The following STEAP2 variants were observed in gnomAD, a reference collection of about 807,000 sequenced individuals.
STEAP2 encodes metalloreductase STEAP2.
STEAP2 carries 30 observed loss-of-function variants against 46.4 expected under a neutral mutation model. The ratio of observed to expected loss-of-function variants is 0.65; its 90% CI spans 0.48 to 0.88. STEAP2 has a LOEUF of 0.88. Ranked by LOEUF, STEAP2 falls within the 40% of genes least tolerant of loss-of-function variation. STEAP2 has a pLI of 0.00. For synonymous variants in STEAP2, 180 were observed against 200.5 expected (o/e 0.90, Z 0.86); for missense variants, 513 against 579.3 (o/e 0.89, Z 1.18).
At chr7:90,222,255 C>G (rs1368340598) in intron 2 of STEAP2, among the ~76,000 whole-genome samples, 1 of 152,084 alleles carries the variant, frequency 6.6e-6, no homozygotes, top group Non-Finnish European at 1.5e-5. Flanking sequence ...GCATGGACCA[C>G]ACCAAGGGAG....
At position 90,233,016 on chromosome 7, in the gene STEAP2, A is replaced by G; in HGVS notation, c.*392A>G. 1.0e-6 allele frequency: 1 copy of G among 966,810 alleles called. No homozygotes were observed. Among genetic ancestry groups the G allele is most frequent in the Non-Finnish European group, 1.2e-6 (1 of 812,834 alleles). 59.9% of individuals were successfully genotyped at this position (966,810 alleles called of 1,614,324 possible). On this transcript the variant is annotated 3_prime_UTR_variant, in exon 6 of 6. Coordinates refer to ENST00000394621, the MANE Select transcript of STEAP2 (RefSeq NM_001244944.2). ...AATGGATATACATTTTTTTCTGAAG[A>G]TTAAGATTTTAATTATTCAACTTAA...
At chr7:90,225,679 T>C in intron 3 of STEAP2, 105 bp downstream of exon 3, 3 of 1,268,442 alleles carry the variant, frequency 2.4e-6, no homozygotes, top group Admixed American at 2.7e-5. Context: ...TTCCAATGAT[T>C]ATCATTTGAA....
At chr7:90,238,977 C>G (rs763817638), downstream of STEAP2, among the ~76,000 whole-genome samples, 2 of 152,154 alleles carry the variant, frequency 1.3e-5, no homozygotes, top group African/African-American at 2.4e-5. Context: ...ATATCAGTGT[C>G]CTGTAGGCGA....
chr7:90,241,685 AACT>A (rs1412521871), downstream of STEAP2, among the ~76,000 whole-genome samples: 1 of 152,136 alleles, frequency 6.6e-6, no homozygotes, highest in Admixed American at 6.5e-5. Flanking sequence ...AGGTTTTGAA[AACT>A]ACTGCTCTAG....
chr7:90,223,648 A>G (rs1446930825), intron 2 of STEAP2, among the ~76,000 whole-genome samples: 1 of 152,194 alleles, frequency 6.6e-6, no homozygotes, highest in African/African-American at 2.4e-5. Flanking sequence ...AAGCACAGCC[A>G]TGTTCTTTAC....
chr7:90,221,105 A>T (rs1390948045), intron 2 of STEAP2, among the ~76,000 whole-genome samples: 3 of 152,164 alleles, frequency 2.0e-5, no homozygotes, highest in Non-Finnish European at 4.4e-5. Flanking sequence ...ACTGTTGTAT[A>T]AAATGTTCTG....
At position 90,234,793 on chromosome 7, in the gene STEAP2, T is replaced by C. The variant is rs1026010956; in HGVS notation, c.*2169T>C. Reference sequence around the variant, plus strand: ...TGGTCTCGATCTCCTGACCTCGTGATCCGCCCGCCTTGGCCTCCAAAGTGC... The same window carrying C: ...TGGTCTCGATCTCCTGACCTCGTGACCCGCCCGCCTTGGCCTCCAAAGTGC... On this transcript the variant is annotated 3_prime_UTR_variant, in exon 6 of 6. Coordinates refer to ENST00000394621, the MANE Select transcript of STEAP2 (RefSeq NM_001244944.2). 1.4e-5 allele frequency: 11 copies of C among 787,652 alleles called. No individual in the cohort carries two copies. Among genetic ancestry groups the C allele is most frequent in the African/African-American group, 1.9e-5 (1 of 53,132 alleles). 48.8% of individuals were successfully genotyped at this position (787,652 alleles called of 1,614,324 possible). A position where few individuals can be genotyped will look rare whatever the true frequency, so the allele number is the denominator to read the frequency against.
rs1256049599 is a variant in STEAP2, at chr7:90,211,863, C to G, written c.-329C>G. On this transcript the variant is annotated 5_prime_UTR_variant, in exon 1 of 6. In the 5' UTR this introduces an upstream ATG that the reference lacks. Coordinates refer to ENST00000394621, the MANE Select transcript of STEAP2 (RefSeq NM_001244944.2). ...TCCTTCTCCCCTGGCTGTTCGCGAT[C>G]CAGCTTGGGTAGGCGGGGAAGCAGC... 1 of 152,422 alleles carries G rather than the reference C, an allele frequency of 6.6e-6. No homozygotes were observed. The highest frequency in any genetic ancestry group is 1.5e-5 in the Non-Finnish European group (1 of 68,204). 9.4% of individuals were successfully genotyped at this position (152,422 alleles called of 1,614,324 possible).
chr7:90,217,413 A>G (rs194511), intron 2 of STEAP2, among the ~76,000 whole-genome samples: 68,461 of 151,816 alleles, frequency 0.45, 16,508 homozygotes, highest in Non-Finnish European at 0.55. Flanking sequence ...CCCTCCTCCC[A>G]TCAACACATC....
At chr7:90,240,128 C>G (rs760051823), downstream of STEAP2, among the ~76,000 whole-genome samples, 9 of 151,970 alleles carry the variant, frequency 5.9e-5, no homozygotes, top group Non-Finnish European at 1.2e-4. This position sits in a 1 kb window ranked among gnomAD's most constrained non-coding sequence, Gnocchi z 4.1. Flanking sequence ...CAAAAATTAG[C>G]CAGACACGGT....
At chr7:90,225,695 A>G (rs1423878846) in intron 3 of STEAP2, 121 bp downstream of exon 3, 1 of 1,137,510 alleles carries the variant, frequency 8.8e-7, no homozygotes, top group Non-Finnish European at 1.2e-6. Context: ...TTGAAAATTA[A>G]TTATGAGCAC....
chr7:90,233,217 T>A lies in STEAP2; in HGVS notation c.*593T>A, dbSNP rs1795831890. 2.1e-6 allele frequency: 2 copies of A among 951,234 alleles called. No individual in the cohort carries two copies. The highest frequency in any genetic ancestry group is 2.5e-6 in the Non-Finnish European group (2 of 799,100). The allele number at this position is 951,234 out of a possible 1,614,324, so 58.9% of individuals were successfully genotyped here. ...AGAGACACAAATTAAAAAGACAAAT[T>A]AAACCTGAAATTATATTTAAAATAT... On this transcript the variant is annotated 3_prime_UTR_variant, in exon 6 of 6. Coordinates refer to ENST00000394621, the MANE Select transcript of STEAP2 (RefSeq NM_001244944.2).
intron 2 of STEAP2, among the ~76,000 whole-genome samples, chr7:90,224,277 A>G (rs767088169): frequency 3.9e-4 from 59 of 152,150 alleles, no homozygotes; most frequent in Non-Finnish European, 7.1e-4. Context: ...TCAGTGTGCC[A>G]TGTCAGTTCA....
At chr7:90,214,043 C>T (rs905583201) in intron 1 of STEAP2, among the ~76,000 whole-genome samples, 2 of 152,026 alleles carry the variant, frequency 1.3e-5, no homozygotes, top group Non-Finnish European at 2.9e-5. Flanking sequence ...CATTTTATGA[C>T]GATTTACATT....
intron 4 of STEAP2, among the ~76,000 whole-genome samples, chr7:90,229,492 C>T (rs1795644976): frequency 6.6e-6 from 1 of 152,144 alleles, no homozygotes; most frequent in Admixed American, 6.6e-5. Context: ...CAAGTTTAAA[C>T]CAGCTTGTAA....
chr7:90,235,213 CT>C lies in STEAP2; in HGVS notation c.*2591del, dbSNP rs778738820. 11 of 983,244 alleles carry C rather than the reference CT, an allele frequency of 1.1e-5. No homozygotes were observed. Among genetic ancestry groups the C allele is most frequent in the African/African-American group, 1.7e-5 (1 of 57,238 alleles). 60.9% of individuals were successfully genotyped at this position (983,244 alleles called of 1,614,324 possible). ...GGCCTTTAAAAATATGAAAAACAAA[CT>C]TGTGAAAATGTATAAAAGATGCATC... On this transcript the variant is annotated 3_prime_UTR_variant, in exon 6 of 6. Coordinates refer to ENST00000394621, the MANE Select transcript of STEAP2 (RefSeq NM_001244944.2).
Position 90,233,815 on chromosome 7 carries a change from G to A in STEAP2, c.*1191G>A. 1 of 985,400 alleles carries A rather than the reference G, an allele frequency of 1.0e-6. No homozygotes were observed. Among genetic ancestry groups the A allele is most frequent in the Non-Finnish European group, 1.2e-6 (1 of 829,928 alleles). The allele number at this position is 985,400 out of a possible 1,614,324, so 61.0% of individuals were successfully genotyped here. On this transcript the variant is annotated 3_prime_UTR_variant, in exon 6 of 6. Coordinates refer to ENST00000394621, the MANE Select transcript of STEAP2 (RefSeq NM_001244944.2). ...TTATGTTCACAATGCCAATCTAGAT[G>A]CTTCCTCTTTTGTATAAAGTCACTG...
In STEAP2 at chr7:90,232,342, A is replaced by G. The variant is rs780440111; in HGVS notation, c.1191A>G (p.Thr397=). 2 of 1,599,452 alleles carry G rather than the reference A, an allele frequency of 1.3e-6. No individual in the cohort carries two copies. The highest frequency in any genetic ancestry group is 2.2e-5 in the South Asian group (2 of 88,984). The change falls in exon 6 of 6, where the codon ACA becomes ACG. Residue 397 remains threonine (T), a synonymous_variant. Transcript: ENST00000394621. ...NWREFSFIQS[T]LGYVALLIST... is the part of the protein sequence containing the mutation. The stretch of plus-strand genomic sequence containing the variant: ...CCTTCCTCTCCTGGCCCAAGTCTAC[A>G]CTTGGATATGTCGCTCTGCTCATAA...
chr7:90,212,334 C>T (rs1794848509), intron 1 of STEAP2: 1 of 152,838 alleles, frequency 6.5e-6, no homozygotes, highest in South Asian at 2.1e-4. Context: ...GACATTGTCC[C>T]AGGTAGGATG....
Sources: gnomAD v4.1 joint callset for allele counts (sites outside exome capture counted in the v4.1 genomes callset) on GRCh38, gnomAD v4.1.1 for gene constraint, Gnocchi (gnomAD v3.1) non-coding constraint, MANE v1.5 for transcripts, NCBI Gene and HGNC (gene_info 2026-07-23, HGNC 2026-07-21) for gene names.